Variants in MAPK14 observed in about 807,000 individuals in gnomAD.
MAPK14 encodes mitogen-activated protein kinase 14.
In MAPK14, 16 loss-of-function variants were observed where a neutral mutation model predicts 49.6. The ratio of observed to expected loss-of-function variants is 0.32; its 90% CI spans 0.22 to 0.49. MAPK14 has a LOEUF of 0.49. Among genes scored for constraint, MAPK14 ranks in the 20% least tolerant of loss-of-function variants. The probability of loss-of-function intolerance (pLI) is 0.99; values close to 1 mark genes in which losing one functional copy is unlikely to be tolerated. For synonymous variants in MAPK14, 142 were observed against 158.0 expected (o/e 0.90, Z 0.76); for missense variants, 200 against 441.2 (o/e 0.45, Z 4.90).
intron 8 of MAPK14, among the ~76,000 whole-genome samples, chr6:36,078,741 A>G (rs115676716): frequency 2.6e-5 from 4 of 152,324 alleles, no homozygotes; most frequent in African/African-American, 9.6e-5. Context: ...CCTGGATTGT[A>G]AAAGTCGAAT....
intron 8 of MAPK14, among the ~76,000 whole-genome samples, chr6:36,083,531 G>A (rs529035269): frequency 2.0e-5 from 3 of 152,312 alleles, no homozygotes; most frequent in Admixed American, 1.3e-4. Context: ...GAGACTGGGC[G>A]GTTGGGACCC....
intron 8 of MAPK14, among the ~76,000 whole-genome samples, chr6:36,081,957 T>G (rs1257976644): frequency 6.6e-6 from 1 of 152,208 alleles, no homozygotes; most frequent in African/African-American, 2.4e-5. Context: ...GTATTTTACC[T>G]TGGTTAAATT....
intron 1 of MAPK14, among the ~76,000 whole-genome samples, chr6:36,041,549 C>T (rs890945176): frequency 2.6e-5 from 4 of 152,158 alleles, no homozygotes; most frequent in Non-Finnish European, 5.9e-5. Context: ...CTACACACTT[C>T]TTGAAGATAC....
intron 2 of MAPK14, among the ~76,000 whole-genome samples, chr6:36,056,533 A>G (rs920941947): frequency 4.6e-5 from 7 of 152,210 alleles, no homozygotes; most frequent in Admixed American, 1.3e-4. Flanking sequence ...AGAAATCACA[A>G]ACTGATACTG....
At chr6:36,054,878 G>A (rs763245767) in intron 2 of MAPK14, among the ~76,000 whole-genome samples, 29 of 152,114 alleles carry the variant, frequency 1.9e-4, no homozygotes, top group Non-Finnish European at 3.5e-4. Context: ...AGCAACAGGC[G>A]CTTAAAACTT....
chr6:36,051,613 C>T (rs1430266453), intron 1 of MAPK14, among the ~76,000 whole-genome samples: 1 of 152,104 alleles, frequency 6.6e-6, no homozygotes, highest in African/African-American at 2.4e-5. Flanking sequence ...CGTTTGTTTG[C>T]ACTTGCTCTT....
intron 2 of MAPK14, among the ~76,000 whole-genome samples, chr6:36,055,053 T>G (rs1042602090): frequency 6.6e-6 from 1 of 152,252 alleles, no homozygotes; most frequent in Non-Finnish European, 1.5e-5. Flanking sequence ...GGTGAGTGAC[T>G]GAAGCTAGGG....
chr6:36,107,676 G>A lies in MAPK14; in HGVS notation c.1015+48G>A, dbSNP rs1265545532. On this transcript the variant is annotated intron_variant, in intron 11 of 11. Transcript: ENST00000229794. The surrounding 1 kb of genome is among the most constrained non-coding windows in gnomAD (Gnocchi z 4.3). ...ACATCTTGAACCACTAACCAAAAGC[G>A]GTGGGAAAAATAAAAACTGAATGGT... 5 of 1,400,712 alleles carry A rather than the reference G, an allele frequency of 3.6e-6. No individual in the cohort carries two copies. Among genetic ancestry groups the A allele is most frequent in the African/African-American group, 2.9e-5 (2 of 68,696 alleles). 86.8% of individuals were successfully genotyped at this position (1,400,712 alleles called of 1,614,324 possible). A position where few individuals can be genotyped will look rare whatever the true frequency, so the allele number is the denominator to read the frequency against.
chr6:36,033,545 G>C (rs992219164), intron 1 of MAPK14, among the ~76,000 whole-genome samples: 1 of 152,162 alleles, frequency 6.6e-6, no homozygotes, highest in African/African-American at 2.4e-5. Flanking sequence ...TCGAACTCCT[G>C]ACCTTGTGAT....
At chr6:36,102,829 A>G in intron 10 of MAPK14, 180 bp downstream of exon 10, 1 of 996,250 alleles carries the variant, frequency 1.0e-6, no homozygotes. Flanking sequence ...ATCACATGAG[A>G]TGATTGTATG....
chr6:36,080,135 A>G (rs1764694731), intron 8 of MAPK14, among the ~76,000 whole-genome samples: 1 of 152,056 alleles, frequency 6.6e-6, no homozygotes, highest in Non-Finnish European at 1.5e-5. Flanking sequence ...ACAGGGTTTC[A>G]CCATGTTAGC....
chr6:36,075,393 TTG>T (rs2127444811), intron 6 of MAPK14, among the ~76,000 whole-genome samples: 1 of 152,284 alleles, frequency 6.6e-6, no homozygotes, highest in East Asian at 1.9e-4. Flanking sequence ...GTGTGTATTT[TTG>T]TGTGTCTGGC....
At chr6:36,059,949 T>C (rs2127426195) in intron 3 of MAPK14, among the ~76,000 whole-genome samples, 1 of 152,272 alleles carries the variant, frequency 6.6e-6, no homozygotes, top group East Asian at 1.9e-4. Context: ...AGTATTAGAT[T>C]TCTATACTGG....
intron 8 of MAPK14, among the ~76,000 whole-genome samples, chr6:36,085,072 G>A (rs1350905864): frequency 6.6e-6 from 1 of 152,090 alleles, no homozygotes; most frequent in Non-Finnish European, 1.5e-5. Context: ...GCCAAACTAA[G>A]CTTCATAGTC....
chr6:36,044,141 G>A (rs1763081307), intron 1 of MAPK14, among the ~76,000 whole-genome samples: 1 of 152,124 alleles, frequency 6.6e-6, no homozygotes. Context: ...TGAATTTAAT[G>A]TATTAATGAG....
rs571457874 is a variant in MAPK14 at position 36,079,689 on chromosome 6, G to T, written c.682+3081G>T. Among the ~76,000 whole-genome samples the T allele has an allele frequency of 4.6e-4, 70 of 152,210 alleles. 1 individual carries two copies. Among genetic ancestry groups the T allele is most frequent in the Admixed American group, 4.3e-3 (65 of 15,290 alleles). On this transcript the variant is annotated intron_variant, in intron 8 of 11. Transcript: ENST00000229794. ...TTATTTATTGATCATTTTGCATTTGGAATTGGTGGTTTGGGCTTGTAAGTA... is the reference window on the plus strand; with the variant it reads ...TTATTTATTGATCATTTTGCATTTGTAATTGGTGGTTTGGGCTTGTAAGTA...
chr6:36,085,855 AT>A (rs1373182774), intron 8 of MAPK14, among the ~76,000 whole-genome samples: 1 of 152,238 alleles, frequency 6.6e-6, no homozygotes, highest in East Asian at 1.9e-4. Context: ...CAGAATATAC[AT>A]TCTTCTTAGC....
At chr6:36,119,351 G>A in the MAPK14 span, among the ~76,000 whole-genome samples, 58 of 152,330 alleles carry the variant, frequency 3.8e-4, 2 homozygotes, top group East Asian at 8.7e-3. Flanking sequence ...ATACATTGGC[G>A]TCCATTTGGC....
chr6:36,102,263 A>C (rs1034234827), intron 9 of MAPK14, among the ~76,000 whole-genome samples: 1 of 152,226 alleles, frequency 6.6e-6, no homozygotes, highest in African/African-American at 2.4e-5. Context: ...TACTTCTTAC[A>C]TATCTTGGCC....
Sources: allele counts gnomAD v4.1 joint callset (sites outside exome capture counted in the v4.1 genomes callset), GRCh38; gene constraint gnomAD v4.1.1; non-coding constraint Gnocchi (gnomAD v3.1); transcripts MANE v1.5; gene names NCBI Gene and HGNC (gene_info 2026-07-23, HGNC 2026-07-21).